Variants in RBFOX1 observed in about 807,000 individuals in gnomAD.
RBFOX1 encodes the protein RNA binding protein fox-1 homolog 1.
RBFOX1 carries 8 observed loss-of-function variants against 57.7 expected under a neutral mutation model. That is an observed-to-expected ratio of 0.14 (90% CI 0.08 to 0.25). The LOEUF (loss-of-function observed/expected upper bound fraction) is 0.25. Ranked by LOEUF, RBFOX1 falls within the 10% of genes least tolerant of loss-of-function variation. The pLI is 1.00. For synonymous variants in RBFOX1, 326 were observed against 222.4 expected (o/e 1.47, Z -4.15); for missense variants, 611 against 548.5 (o/e 1.11, Z -1.14).
At chr16:5,899,146 A>G (rs1317592881) in intron 4 of RBFOX1, among the ~76,000 whole-genome samples, 3 of 41,312 alleles carry the variant, frequency 7.3e-5, no homozygotes, top group Non-Finnish European at 1.3e-4. Flanking sequence ...CCCTGTCTCA[A>G]AAAAAAAAAA....
intron 3 of RBFOX1, among the ~76,000 whole-genome samples, chr16:6,694,417 G>C (rs2060712936): frequency 1.3e-5 from 2 of 152,206 alleles, no homozygotes; most frequent in South Asian, 4.1e-4. Flanking sequence ...GAAAAAACTG[G>C]TTGGTCTTAC....
At chr16:5,498,177 T>G (rs1180491650) in intron 2 of RBFOX1, among the ~76,000 whole-genome samples, 1 of 152,108 alleles carries the variant, frequency 6.6e-6, no homozygotes, top group Non-Finnish European at 1.5e-5. Context: ...GTTTTTGCTC[T>G]TGTTGCCCAG....
At chr16:6,704,321 G>C (rs2062348980) in intron 3 of RBFOX1, 1 of 152,192 alleles carries the variant, frequency 6.6e-6, no homozygotes, top group African/African-American at 2.4e-5. Flanking sequence ...CAGAAATTCA[G>C]ACCCCACTTT....
chr16:6,526,162 C>G (rs533835564), intron 2 of RBFOX1, among the ~76,000 whole-genome samples: 4 of 152,288 alleles, frequency 2.6e-5, no homozygotes, highest in African/African-American at 9.6e-5. Context: ...ATCCACCTCA[C>G]CAAACCATTC....
chr16:6,452,809 T>C (rs1203107212), intron 2 of RBFOX1, among the ~76,000 whole-genome samples: 1 of 152,198 alleles, frequency 6.6e-6, no homozygotes, highest in East Asian at 1.9e-4. Context: ...TGTGTCTCAG[T>C]TGCCACATCC....
chr16:6,943,923 C>G (rs368269997), intron 3 of RBFOX1, among the ~76,000 whole-genome samples: 8 of 152,190 alleles, frequency 5.3e-5, no homozygotes, highest in African/African-American at 1.9e-4. Flanking sequence ...TTGTTCTGAC[C>G]ATGACATATC....
chr16:5,681,831 G>A (rs4786749), intron 3 of RBFOX1, among the ~76,000 whole-genome samples: 33,222 of 152,034 alleles, frequency 0.22, 4,166 homozygotes, highest in East Asian at 0.57. Flanking sequence ...ATTAATATAC[G>A]GGAGTGGGGG....
intron 3 of RBFOX1, among the ~76,000 whole-genome samples, chr16:5,615,496 C>G (rs2047988071): frequency 6.6e-6 from 1 of 152,204 alleles, no homozygotes; most frequent in African/African-American, 2.4e-5. Flanking sequence ...TAGCCTCTCC[C>G]CATAGACATG....
intron 3 of RBFOX1, among the ~76,000 whole-genome samples, chr16:6,964,250 C>G (rs191254547): frequency 1.1e-4 from 16 of 151,106 alleles, no homozygotes; most frequent in African/African-American, 3.9e-4. Context: ...AACTGCTGAT[C>G]TCAAGTGATG....
At chr16:6,085,418 A>G (rs948045913) in intron 1 of RBFOX1, among the ~76,000 whole-genome samples, 1 of 152,074 alleles carries the variant, frequency 6.6e-6, no homozygotes, top group African/African-American at 2.4e-5. Flanking sequence ...GAGTACAGGT[A>G]TGCGCCGCTA....
chr16:5,981,140 T>C (rs1368056892), intron 4 of RBFOX1, among the ~76,000 whole-genome samples: 1 of 152,202 alleles, frequency 6.6e-6, no homozygotes, highest in Admixed American at 6.5e-5. Flanking sequence ...GCATCAATAA[T>C]TAAGTAAAAG....
intron 4 of RBFOX1, among the ~76,000 whole-genome samples, chr16:6,002,025 G>A (rs187491540): frequency 1.7e-5 from 2 of 116,086 alleles, no homozygotes; most frequent in Admixed American, 8.1e-5. Context: ...GGAGTGCCGT[G>A]GCATGATTTC....
chr16:6,919,063 C>T (rs746841591), intron 3 of RBFOX1, among the ~76,000 whole-genome samples: 11 of 152,140 alleles, frequency 7.2e-5, no homozygotes, highest in African/African-American at 1.4e-4. Context: ...TCACTGCAAC[C>T]TCCGTTCTTG....
At chr16:5,764,317 G>A (rs936281280) in intron 3 of RBFOX1, among the ~76,000 whole-genome samples, 4 of 152,182 alleles carry the variant, frequency 2.6e-5, no homozygotes, top group African/African-American at 9.7e-5. Flanking sequence ...AGGTACCAGA[G>A]GCCTTGAGTT....
At chr16:5,836,687 C>T (rs1330485942) in intron 3 of RBFOX1, among the ~76,000 whole-genome samples, 2 of 152,114 alleles carry the variant, frequency 1.3e-5, no homozygotes, top group African/African-American at 4.8e-5. Flanking sequence ...GGGGAGCTGT[C>T]CTGTGTGTTG....
intron 4 of RBFOX1, among the ~76,000 whole-genome samples, chr16:5,904,461 G>A (rs187706148): frequency 4.6e-5 from 7 of 151,790 alleles, no homozygotes; most frequent in South Asian, 2.1e-4. Context: ...GAACCTCCTC[G>A]CTAAAAGCCT....
At chr16:6,490,295 C>A (rs966246895) in intron 2 of RBFOX1, among the ~76,000 whole-genome samples, 1 of 152,222 alleles carries the variant, frequency 6.6e-6, no homozygotes, top group East Asian at 1.9e-4. Context: ...ACCAGAATAT[C>A]CAGAAAACCA....
chr16:5,518,924 G>C (rs2043904397), intron 2 of RBFOX1, among the ~76,000 whole-genome samples: 1 of 152,148 alleles, frequency 6.6e-6, no homozygotes, highest in Non-Finnish European at 1.5e-5. Context: ...ATCAGAATGT[G>C]ACTGTATTTG....
intron 3 of RBFOX1, among the ~76,000 whole-genome samples, chr16:6,701,272 C>G (rs1279389555): frequency 6.6e-6 from 1 of 152,188 alleles, no homozygotes; most frequent in Non-Finnish European, 1.5e-5. Context: ...GCAGCTGACG[C>G]AGGCCCTGAA....
Sources: gnomAD v4.1 joint callset for allele counts (sites outside exome capture counted in the v4.1 genomes callset) on GRCh38, gnomAD v4.1.1 for gene constraint, MANE v1.5 for transcripts, NCBI Gene and HGNC (gene_info 2026-07-23, HGNC 2026-07-21) for gene names.